AK5: variants seen among roughly 807,000 people sequenced by gnomAD.
The protein encoded by AK5 is adenylate kinase 5.
AK5 carries 27 observed loss-of-function variants against 69.5 expected under a neutral mutation model. The observed-to-expected ratio is 0.39, with a 90% CI of 0.29 to 0.54. AK5 has a LOEUF of 0.54. Among genes scored for constraint, AK5 ranks in the 20% least tolerant of loss-of-function variants. The pLI is 0.71. For missense variants in AK5, 531 were observed against 700.4 expected (o/e 0.76, Z 2.73); for synonymous variants, 260 against 244.4 (o/e 1.06, Z -0.60).
At chr1:77,536,079 CTT>C (rs372151681) in intron 13 of AK5, 41 bp downstream of exon 13, 3,584 of 1,234,432 alleles carry the variant, frequency 2.9e-3, no homozygotes, top group South Asian at 5.7e-3. Flanking sequence ...AGCCGCTTAC[CTT>C]TTTTTTTTTT....
Position 77,559,827 on chromosome 1 carries a change from G to C in AK5, c.*1157G>C, listed in dbSNP as rs1557675974. 6.6e-6 allele frequency: 1 copy of C among 151,576 alleles called. No homozygotes were observed. Among genetic ancestry groups the C allele is most frequent in the Non-Finnish European group, 1.5e-5 (1 of 67,920 alleles). The allele number at this position is 151,576 out of a possible 1,614,324, so 9.4% of individuals were successfully genotyped here. A position where few individuals can be genotyped will look rare whatever the true frequency, so the allele number is the denominator to read the frequency against. On this transcript the variant is annotated 3_prime_UTR_variant, in exon 14 of 14. Transcript: ENST00000354567. ...CACTCAGTCACTACAAAAAAGCATAGTTTCAGTTTGCATGAATTTTTTTTT... is the reference window on the plus strand; with the variant it reads ...CACTCAGTCACTACAAAAAAGCATACTTTCAGTTTGCATGAATTTTTTTTT...
intron 8 of AK5, among the ~76,000 whole-genome samples, chr1:77,465,222 C>T (rs1428525058): frequency 6.6e-6 from 1 of 152,020 alleles, no homozygotes; most frequent in African/African-American, 2.4e-5. Context: ...AATGCTGATG[C>T]CAGGCCAGGG....
intron 8 of AK5, among the ~76,000 whole-genome samples, chr1:77,471,129 G>A (rs1344492483): frequency 2.0e-5 from 3 of 151,182 alleles, no homozygotes; most frequent in African/African-American, 4.9e-5. Flanking sequence ...TGATCCACCC[G>A]CCTCAGCCTC....
intron 8 of AK5, among the ~76,000 whole-genome samples, chr1:77,445,313 A>G (rs1452241770): frequency 6.6e-6 from 1 of 152,192 alleles, no homozygotes; most frequent in African/African-American, 2.4e-5. Context: ...GTCTGATAGT[A>G]GCAATCCTAA....
At chr1:77,452,321 A>G (rs1242697329) in intron 8 of AK5, among the ~76,000 whole-genome samples, 2 of 152,234 alleles carry the variant, frequency 1.3e-5, no homozygotes. Context: ...ATTTTCAATA[A>G]ATGCCTGTGG....
chr1:77,554,072 T>C (rs1659952478), intron 13 of AK5, among the ~76,000 whole-genome samples: 1 of 152,200 alleles, frequency 6.6e-6, no homozygotes, highest in Admixed American at 6.5e-5. Flanking sequence ...TATTGTGTGA[T>C]TTCATTGATA....
At chr1:77,326,378 CT>C (rs1228584197) in intron 5 of AK5, among the ~76,000 whole-genome samples, 2 of 151,574 alleles carry the variant, frequency 1.3e-5, no homozygotes, top group African/African-American at 2.4e-5. Context: ...CTTCTTTCAG[CT>C]ACGTAAATCA....
chr1:77,532,674 G>A (rs1658716177), intron 12 of AK5, among the ~76,000 whole-genome samples: 1 of 152,366 alleles, frequency 6.6e-6, no homozygotes, highest in Non-Finnish European at 1.5e-5. Flanking sequence ...GCCAGCTGCT[G>A]AAATGTTGCT....
chr1:77,316,489 C>T (rs992807678), intron 5 of AK5, among the ~76,000 whole-genome samples: 8 of 151,676 alleles, frequency 5.3e-5, no homozygotes, highest in African/African-American at 1.7e-4. Flanking sequence ...TTTTAAAAAA[C>T]GTTAGAGATA....
chr1:77,365,708 C>T (rs545566435), intron 6 of AK5, among the ~76,000 whole-genome samples: 9 of 152,254 alleles, frequency 5.9e-5, no homozygotes, highest in African/African-American at 1.9e-4. Context: ...AGATGGAGCT[C>T]AGGCAGTAAT....
intron 6 of AK5, among the ~76,000 whole-genome samples, chr1:77,391,439 ACATATATG>A (rs1342026524): frequency 3.9e-5 from 4 of 102,152 alleles, no homozygotes; most frequent in African/African-American, 1.4e-4. Context: ...ATACATATAT[ACATATATG>A]TGTGTGTATA....
At chr1:77,294,721 C>T (rs951669179) in intron 3 of AK5, among the ~76,000 whole-genome samples, 14 of 152,000 alleles carry the variant, frequency 9.2e-5, no homozygotes, top group East Asian at 3.9e-4. Context: ...ATGGAATTAT[C>T]GGCCCCATGA....
chr1:77,478,325 T>G (rs1655068259), intron 8 of AK5, among the ~76,000 whole-genome samples: 1 of 152,132 alleles, frequency 6.6e-6, no homozygotes, highest in Admixed American at 6.5e-5. Flanking sequence ...TTCCCACATG[T>G]TGTGGGAGGG....
At chr1:77,479,790 C>A (rs1655150428) in intron 8 of AK5, among the ~76,000 whole-genome samples, 1 of 152,122 alleles carries the variant, frequency 6.6e-6, no homozygotes, top group Admixed American at 6.5e-5. Context: ...CTTAAGGTGA[C>A]AAAGGGTGGA....
At chr1:77,307,983 A>C (rs1291086932) in intron 5 of AK5, among the ~76,000 whole-genome samples, 1 of 152,106 alleles carries the variant, frequency 6.6e-6, no homozygotes, top group Non-Finnish European at 1.5e-5. Context: ...GTCTATTCTG[A>C]CATCTTGCTC....
At chr1:77,324,181 CG>C (rs1293947149) in intron 5 of AK5, among the ~76,000 whole-genome samples, 1 of 151,990 alleles carries the variant, frequency 6.6e-6, no homozygotes, top group Admixed American at 6.6e-5. Flanking sequence ...CTGAAAATGC[CG>C]AACATTAAGA....
At chr1:77,432,431 A>G (rs555589859) in intron 8 of AK5, among the ~76,000 whole-genome samples, 1 of 152,302 alleles carries the variant, frequency 6.6e-6, no homozygotes, top group South Asian at 2.1e-4. Flanking sequence ...TTTGGCCACA[A>G]TCTCAAAGCA....
intron 13 of AK5, among the ~76,000 whole-genome samples, chr1:77,538,889 G>A (rs890142164): frequency 6.6e-6 from 1 of 152,172 alleles, no homozygotes; most frequent in Non-Finnish European, 1.5e-5. Context: ...AGCTTTCTAA[G>A]TTAGTGGTGT....
chr1:77,457,791 G>A (rs1653586787), intron 8 of AK5, among the ~76,000 whole-genome samples: 1 of 152,192 alleles, frequency 6.6e-6, no homozygotes, highest in African/African-American at 2.4e-5. Context: ...GGGGGCCACT[G>A]GAGTAGGAGG....
Sources: allele counts gnomAD v4.1 joint callset (sites outside exome capture counted in the v4.1 genomes callset), GRCh38; gene constraint gnomAD v4.1.1; transcripts MANE v1.5; gene names NCBI Gene and HGNC (gene_info 2026-07-23, HGNC 2026-07-21).